Variants in HDAC8 observed in about 807,000 individuals in gnomAD.
HDAC8 encodes the protein histone deacetylase 8.
HDAC8 carries 1 observed loss-of-function variant against 32.2 expected under a neutral mutation model. The observed-to-expected ratio is 0.03, with a 90% CI of 0.01 to 0.15. The LOEUF is 0.15. HDAC8 is among the 10% of genes least tolerant of loss of function. HDAC8 has a pLI of 1.00. For synonymous variants in HDAC8, 108 were observed against 113.9 expected, an observed-to-expected ratio of 0.95 and a Z score of 0.33; for missense variants, 117 against 300.0, an observed-to-expected ratio of 0.39 and a Z score of 4.51.
chrX:72,541,816 T>C (rs1327904499), intron 4 of HDAC8, among the ~76,000 whole-genome samples: 3 of 111,561 alleles, frequency 2.7e-5, no homozygotes, highest in South Asian at 3.8e-4. Flanking sequence ...GATTGCCATA[T>C]GGGAGGGAAA....
intron 9 of HDAC8, among the ~76,000 whole-genome samples, chrX:72,444,104 G>T (rs1201989291): frequency 4.6e-5 from 5 of 109,247 alleles, no homozygotes; most frequent in African/African-American, 1.7e-4. Context: ...TTCCACCAGA[G>T]GTACAAGGAG....
At chrX:72,559,457 A>G (rs1320525997) in intron 4 of HDAC8, among the ~76,000 whole-genome samples, 1 of 111,150 alleles carries the variant, frequency 9.0e-6, no homozygotes, top group Admixed American at 9.5e-5. Context: ...TGGCCTCCCA[A>G]AGTGCCGAGA....
chrX:72,397,548 T>C (rs1431447068), intron 9 of HDAC8, among the ~76,000 whole-genome samples: 1 of 111,684 alleles, frequency 9.0e-6, no homozygotes. Context: ...CCTTCAGCAA[T>C]AGAACATGAC....
chrX:72,514,790 A>AG (rs1380951790), intron 4 of HDAC8, among the ~76,000 whole-genome samples: 1 of 111,938 alleles, frequency 8.9e-6, no homozygotes, highest in East Asian at 2.8e-4. Flanking sequence ...TAATATGATA[A>AG]GCCTCTCTTT....
At chrX:72,520,379 G>T (rs1013236229) in intron 4 of HDAC8, among the ~76,000 whole-genome samples, 2 of 111,988 alleles carry the variant, frequency 1.8e-5, no homozygotes, top group South Asian at 7.4e-4. Flanking sequence ...GGCTTTAAAA[G>T]AACTGTTTTT....
chrX:72,559,208 A>T (rs1603232737), intron 4 of HDAC8, among the ~76,000 whole-genome samples: 1 of 105,427 alleles, frequency 9.5e-6, no homozygotes, highest in Non-Finnish European at 2.0e-5. Flanking sequence ...AGTGCCTGGG[A>T]TTGCAGGCGT....
chrX:72,542,225 A>G (rs2050729990), intron 4 of HDAC8, among the ~76,000 whole-genome samples: 1 of 111,984 alleles, frequency 8.9e-6, no homozygotes. Context: ...TTTTTCCTTT[A>G]TCAGTGAGAA....
intron 9 of HDAC8, among the ~76,000 whole-genome samples, chrX:72,435,585 A>G: frequency 8.9e-6 from 1 of 111,900 alleles, no homozygotes. Context: ...GAAAAACCAA[A>G]TGAAAAATTT....
At chrX:72,551,113 A>AC (rs2051056394) in intron 4 of HDAC8, among the ~76,000 whole-genome samples, 4 of 110,600 alleles carry the variant, frequency 3.6e-5, no homozygotes, top group Non-Finnish European at 7.6e-5. Flanking sequence ...ACACACACAC[A>AC]AAACTGATGA....
intron 9 of HDAC8, among the ~76,000 whole-genome samples, chrX:72,415,590 ATTTGATTTC>A (rs1435240975): frequency 1.3e-4 from 14 of 111,751 alleles, no homozygotes; most frequent in African/African-American, 4.5e-4. Flanking sequence ...GTTAGATCTT[ATTTGATTTC>A]TTTGATCAGT....
chrX:72,565,806 AG>A (rs1251433388), intron 4 of HDAC8, among the ~76,000 whole-genome samples: 12 of 110,466 alleles, frequency 1.1e-4, no homozygotes, highest in Admixed American at 5.8e-4. Flanking sequence ...GGGAGGGGAG[AG>A]GGTCATTTTT....
intron 4 of HDAC8, among the ~76,000 whole-genome samples, chrX:72,524,086 A>G (rs1164419037): frequency 8.9e-6 from 1 of 112,437 alleles, no homozygotes; most frequent in Non-Finnish European, 1.9e-5. Flanking sequence ...TAACACTGCC[A>G]CAGCAAAGCT....
chrX:72,488,573 A>G (rs1372749754), intron 7 of HDAC8, among the ~76,000 whole-genome samples: 1 of 112,113 alleles, frequency 8.9e-6, no homozygotes, highest in African/African-American at 3.2e-5. Flanking sequence ...CTCCATAATG[A>G]ACCCTGACAA....
At chrX:72,558,354 C>A (rs782111356) in intron 4 of HDAC8, among the ~76,000 whole-genome samples, 76 of 111,693 alleles carry the variant, frequency 6.8e-4, no homozygotes, top group Non-Finnish European at 1.3e-3. Context: ...AATAGTGAAC[C>A]AAATCCAACA....
intron 4 of HDAC8, among the ~76,000 whole-genome samples, chrX:72,533,594 T>A (rs1291862475): frequency 2.7e-5 from 3 of 111,867 alleles, no homozygotes; most frequent in African/African-American, 6.5e-5. Flanking sequence ...CTTTTCCTTA[T>A]GAATATAGAT....
At chrX:72,425,755 T>C in intron 9 of HDAC8, among the ~76,000 whole-genome samples, 1 of 110,977 alleles carries the variant, frequency 9.0e-6, no homozygotes, top group African/African-American at 3.3e-5. Context: ...CTGCTTCATT[T>C]CCCCCCCATC....
intron 9 of HDAC8, among the ~76,000 whole-genome samples, chrX:72,453,472 G>T (rs781983079): frequency 8.8e-4 from 81 of 91,736 alleles, no homozygotes; most frequent in African/African-American, 3.2e-3. Flanking sequence ...AATAAAGAAA[G>T]AAAGAAAGAA....
intron 7 of HDAC8, among the ~76,000 whole-genome samples, chrX:72,483,704 C>T (rs2048580369): frequency 9.0e-6 from 1 of 111,503 alleles, no homozygotes; most frequent in Non-Finnish European, 1.9e-5. Context: ...GAATTTTGGC[C>T]CCAGACCCCA....
At chrX:72,385,061 CT>C (rs1285792039) in intron 9 of HDAC8, among the ~76,000 whole-genome samples, 83 of 105,468 alleles carry the variant, frequency 7.9e-4, no homozygotes, top group Admixed American at 3.5e-3. Flanking sequence ...AAAGAAAATT[CT>C]TTTTTTTTTT....
Sources: gnomAD v4.1 joint callset for allele counts (sites outside exome capture counted in the v4.1 genomes callset) on GRCh38, gnomAD v4.1.1 for gene constraint, MANE v1.5 for transcripts, NCBI Gene and HGNC (gene_info 2026-07-23, HGNC 2026-07-21) for gene names.